Variants in DPPA2 observed in about 807,000 individuals in gnomAD.
DPPA2 encodes developmental pluripotency associated 2.
Under a neutral mutation model 36.2 loss-of-function variants are expected in DPPA2, and 26 were observed. The ratio of observed to expected loss-of-function variants is 0.72; its 90% CI spans 0.53 to 1.00. The LOEUF is 1.00. DPPA2 is among the 50% of genes least tolerant of loss of function. The pLI is 0.00. For missense variants in DPPA2, 361 were observed against 365.1 expected, an observed-to-expected ratio of 0.99 and a Z score of 0.09; for synonymous variants, 113 against 123.2, an observed-to-expected ratio of 0.92 and a Z score of 0.55.
chr3:109,306,416 G>A (rs1384433868), intron 6 of DPPA2, among the ~76,000 whole-genome samples: 2 of 152,194 alleles, frequency 1.3e-5, no homozygotes, highest in African/African-American at 4.8e-5. Flanking sequence ...TTGAAGAGCA[G>A]AGGATATGCC....
chr3:109,293,863 G>GTCAC lies in DPPA2; in HGVS notation c.*160_*163dup, dbSNP rs1707305539. 6.6e-6 allele frequency: 1 copy of GTCAC among 151,940 alleles called. No individual in the cohort carries two copies. The allele number at this position is 151,940 out of a possible 1,614,324, so 9.4% of individuals were successfully genotyped here. Reference sequence around the variant, plus strand: ...AAAGGGATTCTTTAGATGGGGCTGTGTCACTAGTCAACCATCTTCACTGTG... The same window carrying GTCAC: ...AAAGGGATTCTTTAGATGGGGCTGTGTCACTCACTAGTCAACCATCTTCACTGTG... On this transcript the variant is annotated 3_prime_UTR_variant, in exon 9 of 9. Transcript: ENST00000478945.
intron 6 of DPPA2, among the ~76,000 whole-genome samples, chr3:109,307,427 C>A (rs1707592724): frequency 6.6e-6 from 1 of 151,562 alleles, no homozygotes; most frequent in Admixed American, 6.6e-5. Flanking sequence ...CATAGTGAAA[C>A]CCCCTCTCTA....
At chr3:109,312,885 C>T (rs1170158411) in intron 2 of DPPA2, among the ~76,000 whole-genome samples, 193 bp from the exon 3 acceptor site, 1 of 152,102 alleles carries the variant, frequency 6.6e-6, no homozygotes. Context: ...AAAAAACGGG[C>T]AAAAGCCAAT....
intron 8 of DPPA2, among the ~76,000 whole-genome samples, chr3:109,300,066 T>C (rs1175695192): frequency 6.6e-6 from 1 of 152,190 alleles, no homozygotes; most frequent in Admixed American, 6.5e-5. Context: ...AAAGAGTCCA[T>C]TAATTAAAAC....
In DPPA2 at chr3:109,314,495, T is replaced by C. The variant is rs202184278; in HGVS notation, c.33+15A>G. 1.6e-4 allele frequency: 254 copies of C among 1,606,884 alleles called. 1 individual carries two copies. The African/African-American group carries it at 2.8e-3, about 18-fold the overall frequency. On this transcript the variant is annotated intron_variant, in intron 2 of 8. Transcript: ENST00000478945. ...GCGACTGTGAGAAAAGTAATTCTATTAGAATGAAACTTACCTTCTTGCTGC... is the reference window on the plus strand; with the variant it reads ...GCGACTGTGAGAAAAGTAATTCTATCAGAATGAAACTTACCTTCTTGCTGC...
intron 7 of DPPA2, 99 bp from the exon 8 acceptor site, chr3:109,300,534 CT>C: frequency 1.6e-6 from 2 of 1,226,216 alleles, no homozygotes; most frequent in Non-Finnish European, 2.4e-6. Context: ...AAAGCATGCA[CT>C]TCTGGGCCGG....
intron 7 of DPPA2, among the ~76,000 whole-genome samples, chr3:109,301,663 A>T (rs1707459243): frequency 9.2e-6 from 1 of 108,698 alleles, no homozygotes; most frequent in Non-Finnish European, 1.9e-5. Context: ...AATAAAAAAA[A>T]AATTTAAAAA....
At chr3:109,305,861 G>C (rs766885920) in intron 6 of DPPA2, among the ~76,000 whole-genome samples, 13 of 151,358 alleles carry the variant, frequency 8.6e-5, no homozygotes, top group Non-Finnish European at 1.9e-4. Context: ...CTTATGGAAC[G>C]TCTGAAATTG....
intron 7 of DPPA2, among the ~76,000 whole-genome samples, chr3:109,302,240 T>C (rs754312374): frequency 6.6e-6 from 1 of 152,212 alleles, no homozygotes; most frequent in Non-Finnish European, 1.5e-5. Context: ...CTCTCAGAAC[T>C]CTAGAACTTG....
Position 109,293,791 on chromosome 3 carries a change from A to C in DPPA2, c.*236T>G, listed in dbSNP as rs1034454100. ...TCTTTAACACACACTGAATGAATAC[A>C]AGGCCAATTGCAGTGACTTTATTTT... On this transcript the variant is annotated 3_prime_UTR_variant, in exon 9 of 9. Transcript: ENST00000478945. 6.6e-6 allele frequency: 1 copy of C among 152,198 alleles called. No homozygotes were observed. The allele number at this position is 152,198 out of a possible 1,614,324, so 9.4% of individuals were successfully genotyped here.
At chr3:109,312,019 G>A (rs1030139366) in intron 3 of DPPA2, among the ~76,000 whole-genome samples, 2 of 152,162 alleles carry the variant, frequency 1.3e-5, no homozygotes, top group African/African-American at 4.8e-5. Context: ...TGTCCAAAGC[G>A]CTCCCCATGC....
At position 109,309,334 on chromosome 3, in the gene DPPA2, A is replaced by C. The variant is rs1051809844; in HGVS notation, c.182-4T>G. On this transcript the variant is annotated splice_polypyrimidine_tract_variant and splice_region_variant and intron_variant, in intron 3 of 8. Coordinates refer to ENST00000478945, the MANE Select transcript of DPPA2 (RefSeq NM_138815.4). ...TCATTTGTTTGAAGTAGATGACCTA[A>C]GACAAGAATGGAACCAAAGTAGTAA... 6.8e-6 allele frequency: 11 copies of C among 1,613,728 alleles called. No homozygotes were observed. Among genetic ancestry groups the C allele is most frequent in the Non-Finnish European group, 8.5e-6 (10 of 1,179,792 alleles).
chr3:109,314,177 T>C (rs1707753611), intron 2 of DPPA2, among the ~76,000 whole-genome samples: 1 of 152,100 alleles, frequency 6.6e-6, no homozygotes, highest in African/African-American at 2.4e-5. Context: ...TTTTCTCTAA[T>C]ATTATTATTC....
intron 8 of DPPA2, among the ~76,000 whole-genome samples, chr3:109,296,359 G>C (rs1707350838): frequency 6.6e-6 from 1 of 152,226 alleles, no homozygotes; most frequent in Non-Finnish European, 1.5e-5. Flanking sequence ...CAAACAAGAA[G>C]AGAGTAAAGT....
chr3:109,300,318 G>A, intron 8 of DPPA2, 53 bp downstream of exon 8: 1 of 1,434,590 alleles, frequency 7.0e-7, no homozygotes, highest in Non-Finnish European at 9.8e-7. Flanking sequence ...CTTTTCAATT[G>A]CCTTCAAATC....
intron 8 of DPPA2, among the ~76,000 whole-genome samples, chr3:109,299,773 A>ATTTTTATTTTTTTTC: frequency 7.1e-6 from 1 of 141,610 alleles, no homozygotes; most frequent in Non-Finnish European, 1.5e-5. Flanking sequence ...TTTTTTAGAG[A>ATTTTTATTTTTTTTC]CTATGTTGCC....
chr3:109,314,572 C>T lies in DPPA2; in HGVS notation c.-13-17G>A. The T allele has an allele frequency of 2.5e-6, 4 of 1,607,090 alleles. No homozygotes were observed. In the East Asian group the frequency reaches 6.7e-5, roughly 27 times the overall value. On this transcript the variant is annotated splice_polypyrimidine_tract_variant and intron_variant, in intron 1 of 8. Coordinates refer to ENST00000478945, the MANE Select transcript of DPPA2 (RefSeq NM_138815.4). Reference sequence around the variant, plus strand: ...AGCAACACCCTGGGGAAGGCAAGGACAGCAATGTTAAGGATATGGTAGTTT... The same window carrying T: ...AGCAACACCCTGGGGAAGGCAAGGATAGCAATGTTAAGGATATGGTAGTTT...
chr3:109,310,056 C>G (rs148105451), intron 3 of DPPA2, among the ~76,000 whole-genome samples: 2 of 150,796 alleles, frequency 1.3e-5, no homozygotes, highest in African/African-American at 2.4e-5. Flanking sequence ...AACCCTGTCT[C>G]TACTAAAAAA....
chr3:109,310,589 T>C (rs1481474927), intron 3 of DPPA2, among the ~76,000 whole-genome samples: 1 of 149,202 alleles, frequency 6.7e-6, no homozygotes, highest in Non-Finnish European at 1.5e-5. Flanking sequence ...CACTGCAACC[T>C]CCGCCTCCTA....
Sources: allele counts gnomAD v4.1 joint callset (sites outside exome capture counted in the v4.1 genomes callset), GRCh38; gene constraint gnomAD v4.1.1; transcripts MANE v1.5; gene names NCBI Gene and HGNC (gene_info 2026-07-23, HGNC 2026-07-21).